Variants in SYT16 observed in about 807,000 individuals in gnomAD.
SYT16 encodes synaptotagmin 16.
A neutral mutation model predicts 61.4 loss-of-function variants in SYT16; 42 were observed. The ratio of observed to expected loss-of-function variants is 0.68; its 90% confidence interval spans 0.53 to 0.89. SYT16 has a LOEUF of 0.89. Among genes scored for constraint, SYT16 ranks in the 40% least tolerant of loss-of-function variants. SYT16 has a pLI of 0.00. For synonymous variants in SYT16, 314 were observed against 302.3 expected, an observed-to-expected ratio of 1.04 and a Z score of -0.40; for missense variants, 804 against 807.3, an observed-to-expected ratio of 1.00 and a Z score of 0.05.
chr14:61,874,467 C>A lies in SYT16; in HGVS notation c.-325+61657C>A, dbSNP rs79955579. Among the ~76,000 whole-genome samples, 15 of 152,240 alleles carry A rather than the reference C, an allele frequency of 9.9e-5. No homozygotes were observed. In the East Asian group the frequency reaches 2.7e-3, roughly 27 times the overall value. The stretch of plus-strand genomic sequence containing the variant: ...GGGTGATGGTTCCTAGAACAAATCC[C>A]TTGTGTATACCGAGGAACAACTGTA... On this transcript the variant is annotated intron_variant, in intron 1 of 7. Coordinates refer to ENST00000683842, the MANE Select transcript of SYT16 (RefSeq NM_001367656.1).
chr14:62,025,242 T>C (rs2054056973), intron 3 of SYT16, among the ~76,000 whole-genome samples: 1 of 152,166 alleles, frequency 6.6e-6, no homozygotes, highest in Admixed American at 6.5e-5. Flanking sequence ...CCTCCAACAA[T>C]GAATGAAAGT....
intron 1 of SYT16, among the ~76,000 whole-genome samples, chr14:61,942,975 AGACC>A (rs1370962766): frequency 6.6e-6 from 1 of 152,216 alleles, no homozygotes; most frequent in African/African-American, 2.4e-5. Context: ...TAAAATAGAT[AGACC>A]ACTAGCCAGA....
intron 1 of SYT16, among the ~76,000 whole-genome samples, chr14:61,901,343 T>A (rs912060423): frequency 1.3e-5 from 2 of 152,194 alleles, no homozygotes; most frequent in Non-Finnish European, 2.9e-5. Context: ...CCTTTCCTAA[T>A]TACTTTCTAT....
intron 3 of SYT16, among the ~76,000 whole-genome samples, chr14:62,043,220 C>T (rs992767299): frequency 1.1e-4 from 16 of 151,662 alleles, no homozygotes; most frequent in Non-Finnish European, 1.5e-4. Flanking sequence ...TCCAGTACCC[C>T]CTCAGAAGGA....
chr14:61,903,647 T>A (rs1007374901), intron 1 of SYT16, among the ~76,000 whole-genome samples: 1 of 152,216 alleles, frequency 6.6e-6, no homozygotes, highest in Non-Finnish European at 1.5e-5. Context: ...GCTTAATAAA[T>A]ATTCACTAAA....
chr14:61,891,781 A>G (rs2048140064), intron 1 of SYT16, among the ~76,000 whole-genome samples: 2 of 152,232 alleles, frequency 1.3e-5, no homozygotes, highest in African/African-American at 4.8e-5. Context: ...AGGATAAGGT[A>G]GTAGAGATGC....
chr14:61,814,393 A>G (rs773919861), intron 1 of SYT16, among the ~76,000 whole-genome samples: 17 of 152,344 alleles, frequency 1.1e-4, no homozygotes, highest in South Asian at 6.2e-4. Context: ...AAACAAAGGC[A>G]AAGGGGTTCA....
intron 1 of SYT16, among the ~76,000 whole-genome samples, chr14:61,890,701 A>G (rs2048092700): frequency 6.6e-6 from 1 of 152,136 alleles, no homozygotes; most frequent in South Asian, 2.1e-4. Flanking sequence ...TAAATTGCGT[A>G]TGTTAGTAAA....
Position 62,021,163 on chromosome 14 carries a change from T to C in SYT16, c.523+24621T>C, listed in dbSNP as rs555977100. Reference sequence around the variant, plus strand: ...GTGTGAGTTGATCATTTTGAGGGGATGATTATTCCATTGCTTTTACGGTCA... The same window carrying C: ...GTGTGAGTTGATCATTTTGAGGGGACGATTATTCCATTGCTTTTACGGTCA... On this transcript the variant is annotated intron_variant, in intron 3 of 7. Coordinates refer to ENST00000683842, the MANE Select transcript of SYT16 (RefSeq NM_001367656.1). Among the ~76,000 whole-genome samples, 5 of 152,328 alleles carry C rather than the reference T, an allele frequency of 3.3e-5. No homozygotes were observed. The South Asian group carries it at 1.0e-3, about 32-fold the overall frequency.
rs17099473 is a variant in SYT16 at position 62,065,388 on chromosome 14, A to T, written c.524-4215A>T. 1.3e-3 allele frequency among the ~76,000 whole-genome samples: 193 copies of T among 152,310 alleles called. 2 individuals carry two copies. Among genetic ancestry groups the T allele is most frequent in the African/African-American group, 4.5e-3 (189 of 41,558 alleles). ...CTACTTCATGGAATGGGTAGATGCA[A>T]AGTCCCAAGAAGGTAGCTGGTATAT... is the stretch of plus-strand genomic sequence containing the variant. On this transcript the variant is annotated intron_variant, in intron 3 of 7. Transcript: ENST00000683842.
Position 62,104,008 on chromosome 14 carries a change from C to T in SYT16, c.*3301C>T, listed in dbSNP as rs551619441. 10 of 152,280 alleles carry T rather than the reference C, an allele frequency of 6.6e-5. No individual in the cohort carries two copies. The highest frequency in any genetic ancestry group is 1.9e-4 in the African/African-American group (8 of 41,556). The allele number at this position is 152,280 out of a possible 1,614,324, so 9.4% of individuals were successfully genotyped here. A position where few individuals can be genotyped will look rare whatever the true frequency, so the allele number is the denominator to read the frequency against. ...ATGATATTTTACAAATTATTGTTAC[C>T]TCTTGTGCAGTTACTGTGCTTTAGA... is the stretch of plus-strand genomic sequence containing the variant. On this transcript the variant is annotated 3_prime_UTR_variant, in exon 8 of 8. Coordinates refer to ENST00000683842, the MANE Select transcript of SYT16 (RefSeq NM_001367656.1).
Position 62,069,820 on chromosome 14 carries a change from C to T in SYT16, c.736+5C>T, listed in dbSNP as rs2140942030. ...CAGAAGTATCTGCCTGCGAAGGTATCCTTTGCCTCACATCCTTTCTTTAGA... is the reference window on the plus strand; with the variant it reads ...CAGAAGTATCTGCCTGCGAAGGTATTCTTTGCCTCACATCCTTTCTTTAGA... On this transcript the variant is annotated splice_donor_5th_base_variant and intron_variant, in intron 4 of 7. Coordinates refer to ENST00000683842, the MANE Select transcript of SYT16 (RefSeq NM_001367656.1). The T allele has an allele frequency of 6.2e-7, 1 of 1,613,348 alleles. No homozygotes were observed. Among genetic ancestry groups the T allele is most frequent in the Non-Finnish European group, 8.5e-7 (1 of 1,179,840 alleles).
intron 1 of SYT16, among the ~76,000 whole-genome samples, chr14:61,868,843 C>T (rs922658310): frequency 6.6e-6 from 1 of 151,994 alleles, no homozygotes; most frequent in Non-Finnish European, 1.5e-5. Flanking sequence ...TACTGAATTT[C>T]TGTCTACTTT....
intron 4 of SYT16, among the ~76,000 whole-genome samples, chr14:62,073,676 C>A (rs1054008628): frequency 5.3e-5 from 8 of 152,058 alleles, no homozygotes; most frequent in Non-Finnish European, 7.4e-5. Context: ...CGAGGATCTG[C>A]CTGAAGATGT....
chr14:62,043,186 T>G (rs899330071), intron 3 of SYT16, among the ~76,000 whole-genome samples: 3 of 151,814 alleles, frequency 2.0e-5, no homozygotes. Context: ...ATTTTTCTCG[T>G]CCTATAGTAG....
At chr14:61,917,831 A>G (rs940401676) in intron 1 of SYT16, among the ~76,000 whole-genome samples, 1 of 152,170 alleles carries the variant, frequency 6.6e-6, no homozygotes, top group Non-Finnish European at 1.5e-5. Context: ...ATATTTGCAT[A>G]TATATAATGA....
At chr14:61,924,241 C>G (rs997237561) in intron 1 of SYT16, among the ~76,000 whole-genome samples, 3 of 152,154 alleles carry the variant, frequency 2.0e-5, no homozygotes, top group African/African-American at 7.2e-5. Flanking sequence ...GATTATTAAA[C>G]CAAATCACCC....
At chr14:62,051,092 G>T (rs1252638925) in intron 3 of SYT16, among the ~76,000 whole-genome samples, 1 of 152,222 alleles carries the variant, frequency 6.6e-6, no homozygotes, top group Non-Finnish European at 1.5e-5. Flanking sequence ...AGGCAGGCAG[G>T]CCTCCTTGAG....
intron 3 of SYT16, among the ~76,000 whole-genome samples, chr14:62,038,909 C>CT (rs1566786561): frequency 4.6e-5 from 7 of 152,088 alleles, no homozygotes; most frequent in African/African-American, 1.4e-4. Flanking sequence ...ATAAACGTTG[C>CT]GTAGAGTTCT....
Sources: gnomAD v4.1 joint callset for allele counts (sites outside exome capture counted in the v4.1 genomes callset) on GRCh38, gnomAD v4.1.1 for gene constraint, MANE v1.5 for transcripts, NCBI Gene and HGNC (gene_info 2026-07-23, HGNC 2026-07-21) for gene names.